Variants in RFTN1 observed in about 807,000 individuals in gnomAD.
The protein encoded by RFTN1 is raftlin, lipid raft linker 1.
In RFTN1, 26 loss-of-function variants were observed where a neutral mutation model predicts 46.5. That is an observed-to-expected ratio of 0.56 (90% CI 0.41 to 0.78). The LOEUF (loss-of-function observed/expected upper bound fraction) is 0.78, where lower values mean the gene tolerates loss of function less well. Among genes scored for constraint, RFTN1 ranks in the 30% least tolerant of loss-of-function variants. The pLI is 0.00. For missense variants in RFTN1, 693 were observed against 718.7 expected (o/e 0.96, Z 0.41); for synonymous variants, 261 against 284.2 (o/e 0.92, Z 0.82).
In RFTN1 at chr3:16,421,051, A is replaced by G. The variant is rs1368604931; in HGVS notation, c.333-11568T>C. 1.3e-5 allele frequency among the ~76,000 whole-genome samples: 2 copies of G among 152,238 alleles called. No individual in the cohort carries two copies. The highest frequency in any genetic ancestry group is 4.8e-5 in the African/African-American group (2 of 41,472). On this transcript the variant is annotated intron_variant, in intron 3 of 9. Transcript: ENST00000334133. The surrounding 1 kb of genome is among the most constrained non-coding windows in gnomAD (Gnocchi z 4.6). ...ATTGTCTCCAAATTTTTCTGATCAC[A>G]CAGCGTGCCAGAAAAAAATTCCTGA...
chr3:16,487,342 A>T (rs1380632991), intron 2 of RFTN1, among the ~76,000 whole-genome samples: 2 of 152,222 alleles, frequency 1.3e-5, no homozygotes, highest in African/African-American at 4.8e-5. Flanking sequence ...AAAATGGTAC[A>T]TTGTTATGAC....
rs770248338 is a variant in RFTN1 at position 16,317,249 on chromosome 3, A to G, written c.1333-17T>C. The stretch of plus-strand genomic sequence containing the variant: ...CCACTGAAACTAGAAATCAGAAAGG[A>G]TGGGGATAAATAACAAGCCTCCGGG... On this transcript the variant is annotated splice_polypyrimidine_tract_variant and intron_variant, in intron 9 of 9. Coordinates refer to ENST00000334133, the MANE Select transcript of RFTN1 (RefSeq NM_015150.2). This position sits in a 1 kb window ranked among gnomAD's most constrained non-coding sequence, Gnocchi z 4.3. 6.2e-7 allele frequency: 1 copy of G among 1,608,732 alleles called. No homozygotes were observed. Among genetic ancestry groups the G allele is most frequent in the Admixed American group, 1.7e-5 (1 of 59,514 alleles).
chr3:16,464,072 G>A (rs1437983943), intron 2 of RFTN1, among the ~76,000 whole-genome samples: 5 of 151,892 alleles, frequency 3.3e-5, no homozygotes, highest in Non-Finnish European at 4.4e-5. Context: ...TCTGCTTTCC[G>A]GAGGGATTCT....
At chr3:16,409,584 C>T in intron 3 of RFTN1, 101 bp from the exon 4 acceptor site, 1 of 727,150 alleles carries the variant, frequency 1.4e-6, no homozygotes, top group Non-Finnish European at 2.3e-6. Context: ...ATGACGCGAT[C>T]TCGGCTCACT....
intron 2 of RFTN1, 94 bp downstream of exon 2, chr3:16,493,631 C>A: frequency 8.3e-7 from 1 of 1,197,856 alleles, no homozygotes; most frequent in South Asian, 1.5e-5. Context: ...TCACAGCCCC[C>A]ACCCCATCCA....
At position 16,321,122 on chromosome 3, in the gene RFTN1, G is replaced by A. The variant is rs543895567; in HGVS notation, c.1332+2254C>T. Among the ~76,000 whole-genome samples, 4 of 152,238 alleles carry A rather than the reference G, an allele frequency of 2.6e-5. No homozygotes were observed. In the South Asian group the frequency reaches 6.2e-4, roughly 24 times the overall value. On this transcript the variant is annotated intron_variant, in intron 9 of 9. Coordinates refer to ENST00000334133, the MANE Select transcript of RFTN1 (RefSeq NM_015150.2). This position sits in a 1 kb window ranked among gnomAD's most constrained non-coding sequence, Gnocchi z 4.8. Reference sequence around the variant, plus strand: ...GCAGGGATAGCCCCTAAGGTGCAATGCCATTCCTCTAGATAGGGTGGCGGT... The same window carrying A: ...GCAGGGATAGCCCCTAAGGTGCAATACCATTCCTCTAGATAGGGTGGCGGT...
intron 3 of RFTN1, among the ~76,000 whole-genome samples, chr3:16,430,459 C>T (rs1025504230): frequency 2.0e-5 from 3 of 151,738 alleles, no homozygotes; most frequent in Non-Finnish European, 2.9e-5. Flanking sequence ...GAGTCTTTTC[C>T]CCATAATACA....
At chr3:16,461,389 T>C (rs2076006247) in intron 2 of RFTN1, among the ~76,000 whole-genome samples, 1 of 152,370 alleles carries the variant, frequency 6.6e-6, no homozygotes, top group Admixed American at 6.5e-5. Context: ...TAAAATACTT[T>C]TTATATTTCC....
chr3:16,495,294 T>C (rs942085223), intron 1 of RFTN1, among the ~76,000 whole-genome samples: 2 of 152,216 alleles, frequency 1.3e-5, no homozygotes, highest in African/African-American at 2.4e-5. Context: ...TGGCATCCAC[T>C]GGGACAAAGC....
intron 2 of RFTN1, among the ~76,000 whole-genome samples, chr3:16,437,242 T>C (rs1434254828): frequency 6.6e-6 from 1 of 152,230 alleles, no homozygotes; most frequent in African/African-American, 2.4e-5. Flanking sequence ...GAAACAGGCA[T>C]GGCCCTCATC....
rs760967852 is a variant in RFTN1 at position 16,323,416 on chromosome 3, C to T, written c.1292G>A (p.Arg431Lys). 3 of 1,612,134 alleles carry T rather than the reference C, an allele frequency of 1.9e-6. No homozygotes were observed. Among genetic ancestry groups the T allele is most frequent in the Non-Finnish European group, 2.5e-6 (3 of 1,178,382 alleles). Reference sequence around the variant, plus strand: ...CTTGATTTTCTGAGGTAGACAAGGTCTCTGAAGAAAGACAATCTGCTTGGT... The same window carrying T: ...CTTGATTTTCTGAGGTAGACAAGGTTTCTGAAGAAAGACAATCTGCTTGGT... ...VSTKQIVFLQ[R>K]PCLPQKIKKK... Residue 431 changes from arginine to lysine, a missense_variant, in exon 9 of 10, where the codon AGA becomes AAA. Arg to Lys is a conservative substitution (Grantham distance 26). Coordinates refer to ENST00000334133, the MANE Select transcript of RFTN1 (RefSeq NM_015150.2).
At position 16,421,363 on chromosome 3, in the gene RFTN1, T is replaced by C. The variant is rs2075180621; in HGVS notation, c.333-11880A>G. 6.6e-6 allele frequency among the ~76,000 whole-genome samples: 1 copy of C among 151,950 alleles called. No homozygotes were observed. The highest frequency in any genetic ancestry group is 1.5e-5 in the Non-Finnish European group (1 of 67,956). On this transcript the variant is annotated intron_variant, in intron 3 of 9. Transcript: ENST00000334133. This position sits in a 1 kb window ranked among gnomAD's most constrained non-coding sequence, Gnocchi z 4.6. ...GTATTGGTGTTTTTTTTTTTTCTTTTCTTTTTGAGATGGTGTCTCACTCTG... is the reference window on the plus strand; with the variant it reads ...GTATTGGTGTTTTTTTTTTTTCTTTCCTTTTTGAGATGGTGTCTCACTCTG...
intron 5 of RFTN1, among the ~76,000 whole-genome samples, chr3:16,373,241 A>G (rs2073600085): frequency 6.6e-6 from 1 of 152,194 alleles, no homozygotes; most frequent in African/African-American, 2.4e-5. Flanking sequence ...TGGCTGAAGG[A>G]CTGTACTGGC....
At chr3:16,375,903 T>A (rs2073750402) in intron 5 of RFTN1, among the ~76,000 whole-genome samples, 1 of 152,090 alleles carries the variant, frequency 6.6e-6, no homozygotes, top group South Asian at 2.1e-4. Context: ...AATTTTTCTG[T>A]GTTCAGCCAT....
At position 16,504,103 on chromosome 3, in the gene RFTN1, C is replaced by T. The variant is rs897306467; in HGVS notation, c.-9+9339G>A. 3.3e-5 allele frequency among the ~76,000 whole-genome samples: 5 copies of T among 150,436 alleles called. No individual in the cohort carries two copies. The highest frequency in any genetic ancestry group is 4.9e-5 in the African/African-American group (2 of 40,886). ...TCACAGTGCCCTTAGTTTCTCTGTA[C>T]ATTTTTTAATGGCATGCCCTAGACT... On this transcript the variant is annotated intron_variant, in intron 1 of 9. Transcript: ENST00000334133. The surrounding 1 kb of genome is among the most constrained non-coding windows in gnomAD (Gnocchi z 4.4).
Position 16,493,774 on chromosome 3 carries a change from T to TA in RFTN1, c.95dup (p.Asp33ArgfsTer5), listed in dbSNP as rs1287264683. ...GGAAGCGGTATTCATAGGACACATCTATCTTGGTTTCCACCTGAGGCCTCT... is the reference window on the plus strand; with the variant it reads ...GGAAGCGGTATTCATAGGACACATCTAATCTTGGTTTCCACCTGAGGCCTCT... On this transcript the variant is annotated frameshift_variant, in exon 2 of 10. Transcript: ENST00000334133. LOFTEE classifies it high-confidence loss of function. The TA allele has an allele frequency of 3.7e-6, 6 of 1,613,682 alleles. No homozygotes were observed. The highest frequency in any genetic ancestry group is 5.1e-6 in the Non-Finnish European group (6 of 1,179,882).
Position 16,320,725 on chromosome 3 carries a change from G to C in RFTN1, c.1332+2651C>G, listed in dbSNP as rs113642825. Reference sequence around the variant, plus strand: ...AGGAGGAGAATGTCCTTGGCAGAGGGGACACGGAAGAACTGGAGGCCACAG... The same window carrying C: ...AGGAGGAGAATGTCCTTGGCAGAGGCGACACGGAAGAACTGGAGGCCACAG... On this transcript the variant is annotated intron_variant, in intron 9 of 9. Transcript: ENST00000334133. This position sits in a 1 kb window ranked among gnomAD's most constrained non-coding sequence, Gnocchi z 4.5. Among the ~76,000 whole-genome samples, 2 of 152,326 alleles carry C rather than the reference G, an allele frequency of 1.3e-5. 1 individual carries two copies. Among genetic ancestry groups the C allele is most frequent in the African/African-American group, 4.8e-5 (2 of 41,578 alleles).
intron 4 of RFTN1, 110 bp downstream of exon 4, chr3:16,409,265 C>G: frequency 1.4e-6 from 1 of 716,870 alleles, no homozygotes; most frequent in East Asian, 2.8e-5. Flanking sequence ...GGTCACAGCT[C>G]TTGCATGGCC....
rs2075317578 is a variant in RFTN1 at position 16,428,035 on chromosome 3, C to G, written c.332+5816G>C. On this transcript the variant is annotated intron_variant, in intron 3 of 9. Coordinates refer to ENST00000334133, the MANE Select transcript of RFTN1 (RefSeq NM_015150.2). The surrounding 1 kb of genome is among the most constrained non-coding windows in gnomAD (Gnocchi z 4.7). ...ATTTGCACATATATTTTGCAGCTCCCTAGTAGATAGATAAGTTTCTTGAGA... is the reference window on the plus strand; with the variant it reads ...ATTTGCACATATATTTTGCAGCTCCGTAGTAGATAGATAAGTTTCTTGAGA... 6.6e-6 allele frequency among the ~76,000 whole-genome samples: 1 copy of G among 151,964 alleles called. No individual in the cohort carries two copies. Among genetic ancestry groups the G allele is most frequent in the Admixed American group, 6.6e-5 (1 of 15,266 alleles).
Sources: allele counts gnomAD v4.1 joint callset (sites outside exome capture counted in the v4.1 genomes callset), GRCh38; gene constraint gnomAD v4.1.1; non-coding constraint Gnocchi (gnomAD v3.1); transcripts MANE v1.5; gene names NCBI Gene and HGNC (gene_info 2026-07-23, HGNC 2026-07-21).